HYDIN: variants seen among roughly 807,000 people sequenced by gnomAD.
The protein encoded by HYDIN is HYDIN axonemal central pair apparatus protein.
HYDIN carries 132 observed loss-of-function variants against 403.9 expected under a neutral mutation model. That is an observed-to-expected ratio of 0.33 (90% confidence interval 0.28 to 0.38). HYDIN has a LOEUF of 0.38. Ranked by LOEUF, HYDIN falls within the 10% of genes least tolerant of loss-of-function variation. The probability of loss-of-function intolerance (pLI) is 1.00; values close to 1 mark genes in which losing one functional copy is unlikely to be tolerated. For synonymous variants in HYDIN, 1,202 were observed against 1,891.7 expected (o/e 0.64, Z 9.46); for missense variants, 2,827 against 5,009.5 (o/e 0.56, Z 13.15).
intron 41 of HYDIN, among the ~76,000 whole-genome samples, chr16:70,945,895 G>A (rs972811662): frequency 6.6e-6 from 1 of 152,202 alleles, no homozygotes; most frequent in African/African-American, 2.4e-5. Context: ...CAGAGGATGG[G>A]GGTGGGTGTG....
intron 9 of HYDIN, among the ~76,000 whole-genome samples, chr16:71,124,729 G>A (rs1231398410): frequency 6.6e-6 from 1 of 152,068 alleles, no homozygotes; most frequent in Admixed American, 6.5e-5. Context: ...CCATCAGAAA[G>A]CAAGGTGGTC....
intron 52 of HYDIN, among the ~76,000 whole-genome samples, chr16:70,901,982 T>C (rs1364119168): frequency 6.6e-6 from 1 of 152,224 alleles, no homozygotes; most frequent in Non-Finnish European, 1.5e-5. Context: ...AGGTCTACCA[T>C]ATTTTTACTT....
At chr16:70,855,304 G>C in intron 72 of HYDIN, 29 bp from the exon 73 acceptor site, 1 of 1,431,050 alleles carries the variant, frequency 7.0e-7, no homozygotes. Flanking sequence ...CCCTTAGTGG[G>C]GGCCTCCTGA....
intron 55 of HYDIN, among the ~76,000 whole-genome samples, chr16:70,892,907 T>A (rs192948616): frequency 2.0e-5 from 3 of 152,230 alleles, no homozygotes; most frequent in African/African-American, 7.2e-5. Context: ...CCAGAGAACC[T>A]GGGGAGAGAG....
intron 84 of HYDIN, among the ~76,000 whole-genome samples, chr16:70,816,335 A>G (rs181153989): frequency 4.6e-5 from 7 of 152,194 alleles, no homozygotes; most frequent in African/African-American, 1.7e-4. Flanking sequence ...TCTTCTAATA[A>G]CCATTAGTTA....
chr16:70,885,761 A>G (rs1232802721), intron 58 of HYDIN, among the ~76,000 whole-genome samples: 1 of 152,200 alleles, frequency 6.6e-6, no homozygotes, highest in Non-Finnish European at 1.5e-5. Context: ...TCTGTAGAAG[A>G]GATGAGAGTT....
At chr16:70,998,986 G>T (rs1180386992) in intron 23 of HYDIN, among the ~76,000 whole-genome samples, 1 of 152,150 alleles carries the variant, frequency 6.6e-6, no homozygotes, top group Non-Finnish European at 1.5e-5. Flanking sequence ...GCCTCCCCTA[G>T]CCCTCTGACA....
chr16:70,943,774 C>T, intron 42 of HYDIN, 38 bp downstream of exon 42: 2 of 1,598,428 alleles, frequency 1.3e-6, no homozygotes, highest in Non-Finnish European at 1.7e-6. Flanking sequence ...TGCGTGAATG[C>T]CAAGCCCTGC....
At chr16:71,034,392 G>A (rs1245067847) in intron 18 of HYDIN, among the ~76,000 whole-genome samples, 4 of 152,174 alleles carry the variant, frequency 2.6e-5, no homozygotes, top group African/African-American at 9.7e-5. Context: ...ATTGCAGATT[G>A]AAAGCAAGAG....
intron 5 of HYDIN, among the ~76,000 whole-genome samples, chr16:71,173,199 G>A (rs930245045): frequency 1.3e-5 from 2 of 152,242 alleles, no homozygotes; most frequent in Admixed American, 1.3e-4. Flanking sequence ...TTTCTCATAG[G>A]TAAACATTAT....
At chr16:71,224,869 T>C (rs1357332929) in intron 1 of HYDIN, among the ~76,000 whole-genome samples, 1 of 152,216 alleles carries the variant, frequency 6.6e-6, no homozygotes, top group Non-Finnish European at 1.5e-5. Context: ...CCTAAGGTTT[T>C]TCTTTTAACA....
At chr16:71,049,909 C>T (rs1274988124) in intron 18 of HYDIN, among the ~76,000 whole-genome samples, 2 of 141,186 alleles carry the variant, frequency 1.4e-5, no homozygotes, top group Non-Finnish European at 3.1e-5. Flanking sequence ...ACTGAAGAGG[C>T]AACAGAGAGA....
intron 9 of HYDIN, among the ~76,000 whole-genome samples, chr16:71,119,098 C>T (rs2084160486): frequency 6.6e-6 from 1 of 151,994 alleles, no homozygotes; most frequent in Non-Finnish European, 1.5e-5. Flanking sequence ...GTGGGCAAGT[C>T]AGGGTCTTAT....
intron 18 of HYDIN, among the ~76,000 whole-genome samples, chr16:71,033,644 G>T (rs535944812): frequency 1.2e-4 from 19 of 152,058 alleles, no homozygotes; most frequent in African/African-American, 2.2e-4. Flanking sequence ...CGGGGGGCAG[G>T]GGGGAGAGCA....
At chr16:71,165,444 T>TA (rs1406451416) in intron 5 of HYDIN, among the ~76,000 whole-genome samples, 2 of 151,050 alleles carry the variant, frequency 1.3e-5, no homozygotes, top group Non-Finnish European at 2.9e-5. Flanking sequence ...ATCACTCCCT[T>TA]ACCTTCTGTC....
intron 9 of HYDIN, among the ~76,000 whole-genome samples, chr16:71,122,384 AG>A (rs1450463723): frequency 3.2e-5 from 3 of 95,190 alleles, no homozygotes; most frequent in Non-Finnish European, 6.4e-5. Context: ...ACAAAGGCTG[AG>A]GAGTGGGAAA....
intron 10 of HYDIN, among the ~76,000 whole-genome samples, chr16:71,107,196 T>C (rs1485156565): frequency 6.6e-6 from 1 of 151,488 alleles, no homozygotes; most frequent in Non-Finnish European, 1.5e-5. Context: ...ATACCTAATG[T>C]TAAATGACGA....
At position 71,181,361 on chromosome 16, in the gene HYDIN, T is replaced by C. The variant is rs565992006; in HGVS notation, c.262-2314A>G. On this transcript the variant is annotated intron_variant, in intron 3 of 85. Transcript: ENST00000393567. Reference sequence around the variant, plus strand: ...GATAATTATATTATTACATATCATATACTGTTACTTACCACAGTAATGATA... The same window carrying C: ...GATAATTATATTATTACATATCATACACTGTTACTTACCACAGTAATGATA... Among the ~76,000 whole-genome samples the C allele has an allele frequency of 9.2e-5, 14 of 152,162 alleles. No homozygotes were observed. The South Asian group carries it at 2.9e-3, about 32-fold the overall frequency.
chr16:70,990,817 A>G (rs1393972648), intron 25 of HYDIN, among the ~76,000 whole-genome samples: 2 of 152,242 alleles, frequency 1.3e-5, no homozygotes, highest in Non-Finnish European at 1.5e-5. Flanking sequence ...GTTGTATGTT[A>G]TAGAGGTTAT....
Sources: gnomAD v4.1 joint callset for allele counts (sites outside exome capture counted in the v4.1 genomes callset) on GRCh38, gnomAD v4.1.1 for gene constraint, MANE v1.5 for transcripts, NCBI Gene and HGNC (gene_info 2026-07-23, HGNC 2026-07-21) for gene names.